Variants in LIX1L observed in about 807,000 individuals in gnomAD.
LIX1L encodes limb and CNS expressed 1 like.
Under a neutral mutation model 34.0 loss-of-function variants are expected in LIX1L, and 20 were observed. The observed-to-expected ratio is 0.59, with a 90% CI of 0.41 to 0.85. LIX1L has a LOEUF of 0.85. Among genes scored for constraint, LIX1L ranks in the 40% least tolerant of loss-of-function variants. The pLI, the probability that LIX1L is intolerant of heterozygous loss-of-function variation, is 0.00. For missense variants in LIX1L, 397 were observed against 447.0 expected (o/e 0.89, Z 1.01); for synonymous variants, 170 against 187.4 (o/e 0.91, Z 0.76).
Position 145,936,119 on chromosome 1 carries a change from A to AGTGG in LIX1L, c.*190_*191insCCAC, listed in dbSNP as rs1648630032. The AGTGG allele has an allele frequency of 3.1e-6, 2 of 637,774 alleles. No homozygotes were observed. Among genetic ancestry groups the AGTGG allele is most frequent in the African/African-American group, 3.7e-5 (2 of 54,462 alleles). 39.5% of individuals were successfully genotyped at this position (637,774 alleles called of 1,614,324 possible). A position where few individuals can be genotyped will look rare whatever the true frequency, so the allele number is the denominator to read the frequency against. ...AGTGGACTGAAGATGTTTCAAATAA[A>AGTGG]ACTACATCCAAAAACTGGTAGTAAG... On this transcript the variant is annotated 3_prime_UTR_variant, in exon 6 of 6. Coordinates refer to ENST00000604000, the MANE Select transcript of LIX1L (RefSeq NM_153713.3).
Position 145,936,322 on chromosome 1 carries a change from A to C in LIX1L, c.1002T>G (p.Ser334=). The C allele has an allele frequency of 6.2e-7, 1 of 1,614,134 alleles. No homozygotes were observed. Among genetic ancestry groups the C allele is most frequent in the East Asian group, 2.2e-5 (1 of 44,884 alleles). ...LAAGQLGNMH[S]SNC ...TGTGGGTGGATGCCTAGCAGTTGGA[A>C]GAATGCATATTGCCCAACTGCCCAG... Residue 334 remains serine (S), a synonymous_variant, in exon 6 of 6, where the codon TCT becomes TCG. Transcript: ENST00000604000.
chr1:145,940,922 G>A (rs1553758585), intron 3 of LIX1L, among the ~76,000 whole-genome samples: 1 of 151,932 alleles, frequency 6.6e-6, no homozygotes, highest in East Asian at 1.9e-4. Context: ...CTGACCTCAA[G>A]TGATCTGCTG....
chr1:145,956,713 T>C (rs1176357841), intron 1 of LIX1L, among the ~76,000 whole-genome samples: 1 of 152,226 alleles, frequency 6.6e-6, no homozygotes, highest in Non-Finnish European at 1.5e-5. Context: ...TTAAATTCTG[T>C]ATTCCACACC....
chr1:145,957,540 T>C, intron 1 of LIX1L, 96 bp downstream of exon 1: 3 of 1,335,776 alleles, frequency 2.2e-6, no homozygotes, highest in Non-Finnish European at 2.9e-6. Flanking sequence ...GAAATGCATG[T>C]GAGGGCTCCA....
At chr1:145,945,918 T>C (rs1277189294) in intron 2 of LIX1L, among the ~76,000 whole-genome samples, 1 of 135,806 alleles carries the variant, frequency 7.4e-6, no homozygotes, top group East Asian at 2.2e-4. Context: ...AAACCCTGTC[T>C]CTACTAAAAA....
chr1:145,939,800 G>T (rs1648824051), intron 3 of LIX1L: 1 of 152,012 alleles, frequency 6.6e-6, no homozygotes, highest in Non-Finnish European at 1.5e-5. Flanking sequence ...CCCATACCCA[G>T]ATAACTGTTT....
intron 2 of LIX1L, among the ~76,000 whole-genome samples, chr1:145,946,612 A>G (rs945164751): frequency 3.9e-5 from 6 of 152,216 alleles, no homozygotes; most frequent in African/African-American, 1.4e-4. Context: ...CATTCATGCA[A>G]CAGACGTATT....
chr1:145,952,651 G>A (rs781794573), intron 1 of LIX1L, among the ~76,000 whole-genome samples: 6 of 150,672 alleles, frequency 4.0e-5, no homozygotes, highest in East Asian at 1.9e-4. Context: ...TTGCTCTGTC[G>A]CCCAGGCTGG....
chr1:145,936,231 AC>A lies in LIX1L; in HGVS notation c.*78del. Reference sequence around the variant, plus strand: ...AAAGTATAAAAATGAGAAAGTATGTACAAAAAATCATCCTAAATCTTAGAAA... The same window carrying A: ...AAAGTATAAAAATGAGAAAGTATGTAAAAAAATCATCCTAAATCTTAGAAA... On this transcript the variant is annotated 3_prime_UTR_variant, in exon 6 of 6. Coordinates refer to ENST00000604000, the MANE Select transcript of LIX1L (RefSeq NM_153713.3). 4 of 1,483,028 alleles carry A rather than the reference AC, an allele frequency of 2.7e-6. No homozygotes were observed. The South Asian group carries it at 5.3e-5, about 20-fold the overall frequency. The allele number at this position is 1,483,028 out of a possible 1,614,324, so 91.9% of individuals were successfully genotyped here.
At chr1:145,937,772 A>G (rs1648718513) in intron 3 of LIX1L, 73 bp from the exon 4 acceptor site, 2 of 890,748 alleles carry the variant, frequency 2.2e-6, no homozygotes, top group South Asian at 2.8e-5. Flanking sequence ...ACTGTCCAGT[A>G]GAAATATAAT....
chr1:145,943,145 G>T (rs1446287396), intron 2 of LIX1L, among the ~76,000 whole-genome samples: 2 of 152,234 alleles, frequency 1.3e-5, no homozygotes, highest in African/African-American at 4.8e-5. Context: ...CACTGGTCAT[G>T]AAAAATACCC....
chr1:145,955,210 C>T (rs1293971405), intron 1 of LIX1L, among the ~76,000 whole-genome samples: 1 of 152,178 alleles, frequency 6.6e-6, no homozygotes, highest in African/African-American at 2.4e-5. Context: ...AAATCCCATG[C>T]ACTACAAACT....
At chr1:145,937,123 G>A in intron 4 of LIX1L, 138 bp from the exon 5 acceptor site, 1 of 353,716 alleles carries the variant, frequency 2.8e-6, no homozygotes, top group East Asian at 4.8e-5. Context: ...CTTTGGGGAA[G>A]AAAAATATTT....
intron 1 of LIX1L, among the ~76,000 whole-genome samples, chr1:145,954,849 A>G (rs1191378817): frequency 6.6e-6 from 1 of 152,336 alleles, no homozygotes; most frequent in Middle Eastern, 3.4e-3. Flanking sequence ...ACACAAAACT[A>G]TCAGGATAAG....
At chr1:145,954,179 G>A (rs782519244) in intron 1 of LIX1L, among the ~76,000 whole-genome samples, 38 of 152,130 alleles carry the variant, frequency 2.5e-4, no homozygotes, top group South Asian at 2.1e-4. Context: ...GAAGCTGGAA[G>A]AGGCAAGGAA....
chr1:145,952,593 T>C (rs904069752), intron 1 of LIX1L, among the ~76,000 whole-genome samples: 17 of 151,772 alleles, frequency 1.1e-4, no homozygotes, highest in African/African-American at 4.1e-4. Flanking sequence ...GAGGTAGTGA[T>C]CATTTTCAGC....
At chr1:145,955,372 A>G (rs1054072792) in intron 1 of LIX1L, among the ~76,000 whole-genome samples, 1 of 152,244 alleles carries the variant, frequency 6.6e-6, no homozygotes, top group African/African-American at 2.4e-5. Flanking sequence ...ACATGAGTGA[A>G]GGTAGATCTA....
At chr1:145,945,252 G>GATCACACC (rs1202004922) in intron 2 of LIX1L, among the ~76,000 whole-genome samples, 1 of 138,038 alleles carries the variant, frequency 7.2e-6, no homozygotes, top group Non-Finnish European at 1.5e-5. Context: ...AGTGAGTCAA[G>GATCACACC]ATCACACCAC....
chr1:145,940,717 A>ATT (rs782462548), intron 3 of LIX1L, among the ~76,000 whole-genome samples: 1 of 136,360 alleles, frequency 7.3e-6, no homozygotes, highest in East Asian at 2.1e-4. Context: ...CACCTGGCTA[A>ATT]TTTTTTTTTT....
Sources: allele counts gnomAD v4.1 joint callset (sites outside exome capture counted in the v4.1 genomes callset), GRCh38; gene constraint gnomAD v4.1.1; transcripts MANE v1.5; gene names NCBI Gene and HGNC (gene_info 2026-07-23, HGNC 2026-07-21).